HLCS: variants seen among roughly 807,000 people sequenced by gnomAD.
The protein encoded by HLCS is holocarboxylase synthetase.
A neutral mutation model predicts 75.0 loss-of-function variants in HLCS; 53 were observed. The observed-to-expected ratio is 0.71, with a 90% CI of 0.57 to 0.89. The LOEUF (loss-of-function observed/expected upper bound fraction) is 0.89. Among genes scored for constraint, HLCS ranks in the 40% least tolerant of loss-of-function variants. HLCS has a pLI of 0.00. For missense variants in HLCS, 966 were observed against 1,074.0 expected (o/e 0.90, Z 1.41); for synonymous variants, 431 against 428.6 (o/e 1.01, Z -0.07).
chr21:36,896,088 G>A (rs1052256259), intron 6 of HLCS, among the ~76,000 whole-genome samples: 4 of 152,208 alleles, frequency 2.6e-5, no homozygotes, highest in Admixed American at 2.0e-4. Context: ...GGTGGCTCAC[G>A]CCTAAAATCC....
chr21:36,925,816 A>G (rs1002684211), intron 5 of HLCS, among the ~76,000 whole-genome samples: 3 of 152,272 alleles, frequency 2.0e-5, no homozygotes, highest in Admixed American at 6.5e-5. Flanking sequence ...GAAACAAGGC[A>G]GCTAGCTTCT....
chr21:36,984,343 T>C (rs938995620), intron 1 of HLCS, among the ~76,000 whole-genome samples: 5 of 152,032 alleles, frequency 3.3e-5, no homozygotes, highest in South Asian at 2.1e-4. Flanking sequence ...TAACAACTAA[T>C]AATAAAATAG....
intron 6 of HLCS, among the ~76,000 whole-genome samples, chr21:36,860,402 C>A (rs934382970): frequency 2.6e-4 from 38 of 144,532 alleles, no homozygotes; most frequent in Admixed American, 1.6e-3. Context: ...GCTAATTCCC[C>A]AAACTAGCCA....
intron 6 of HLCS, among the ~76,000 whole-genome samples, chr21:36,869,671 C>T (rs1360758259): frequency 6.6e-6 from 1 of 152,208 alleles, no homozygotes; most frequent in Non-Finnish European, 1.5e-5. Context: ...CTTTACCAGA[C>T]TTGCTTAGTA....
intron 6 of HLCS, among the ~76,000 whole-genome samples, chr21:36,768,645 G>T (rs1014514388): frequency 6.6e-6 from 1 of 152,226 alleles, no homozygotes; most frequent in South Asian, 2.1e-4. Context: ...CACGGCTGCT[G>T]GAACAGGCAC....
intron 6 of HLCS, among the ~76,000 whole-genome samples, chr21:36,827,048 G>A (rs963862856): frequency 6.6e-5 from 10 of 152,154 alleles, no homozygotes; most frequent in Non-Finnish European, 1.5e-4. Context: ...CTGTGGCGGG[G>A]AGGGTCACAG....
At chr21:36,808,334 C>T (rs1361481708) in intron 6 of HLCS, among the ~76,000 whole-genome samples, 1 of 152,104 alleles carries the variant, frequency 6.6e-6, no homozygotes, top group Non-Finnish European at 1.5e-5. Context: ...AAACTATTTC[C>T]TTTTACTCAT....
At chr21:36,866,745 C>T (rs1195962846) in intron 6 of HLCS, among the ~76,000 whole-genome samples, 2 of 152,010 alleles carry the variant, frequency 1.3e-5, no homozygotes, top group Non-Finnish European at 2.9e-5. Context: ...CATCTTCAAC[C>T]ACAGATTTTA....
At chr21:36,944,970 A>G (rs1601832231) in intron 2 of HLCS, among the ~76,000 whole-genome samples, 1 of 152,238 alleles carries the variant, frequency 6.6e-6, no homozygotes, top group East Asian at 1.9e-4. Context: ...AATACAAAAA[A>G]TTAGCCAGGC....
chr21:36,804,854 C>T (rs2061317315), intron 6 of HLCS, among the ~76,000 whole-genome samples: 1 of 152,196 alleles, frequency 6.6e-6, no homozygotes, highest in African/African-American at 2.4e-5. Context: ...ACCTTGGCTA[C>T]CTATAATGAA....
chr21:36,840,671 G>A (rs1246961646), intron 6 of HLCS, among the ~76,000 whole-genome samples: 2 of 152,118 alleles, frequency 1.3e-5, no homozygotes, highest in Admixed American at 1.3e-4. Context: ...GGAGTGCAAT[G>A]GCGTGATCTT....
intron 9 of HLCS, 35 bp from the exon 10 acceptor site, chr21:36,756,790 G>A (rs764868396): frequency 1.1e-5 from 17 of 1,613,190 alleles, no homozygotes; most frequent in Admixed American, 1.7e-5. Flanking sequence ...AGCTCAGCCT[G>A]TTGATGGCAT....
At chr21:36,967,623 ATCCAGTGGCTTCCTAT>A (rs1489966835), upstream of HLCS, among the ~76,000 whole-genome samples, 1 of 152,244 alleles carries the variant, frequency 6.6e-6, no homozygotes, top group Non-Finnish European at 1.5e-5. Context: ...AAAGAATTCC[ATCCAGTGGCTTCCTAT>A]TCTGGCCCTC....
At chr21:36,819,989 C>CT (rs2061777961) in intron 6 of HLCS, among the ~76,000 whole-genome samples, 1 of 152,186 alleles carries the variant, frequency 6.6e-6, no homozygotes, top group Admixed American at 6.5e-5. Flanking sequence ...AGATAAAGTG[C>CT]ACTCACAGGG....
At chr21:36,985,878 T>C (rs188762301) in intron 1 of HLCS, among the ~76,000 whole-genome samples, 3 of 152,304 alleles carry the variant, frequency 2.0e-5, no homozygotes, top group Admixed American at 2.0e-4. Flanking sequence ...GCACAGGATG[T>C]CAGTTCAAAT....
At chr21:36,756,190 G>A (rs1356688737) in intron 10 of HLCS, among the ~76,000 whole-genome samples, 7 of 152,036 alleles carry the variant, frequency 4.6e-5, no homozygotes, top group African/African-American at 1.4e-4. Context: ...TGTAATCCCA[G>A]CACTTTGGGA....
At chr21:36,757,803 C>T (rs1355599725) in intron 9 of HLCS, among the ~76,000 whole-genome samples, 1 of 152,208 alleles carries the variant, frequency 6.6e-6, no homozygotes, top group Admixed American at 6.5e-5. Context: ...CAGTTGCTCA[C>T]GTATTCATTC....
chr21:36,775,360 A>T (rs1036895225), intron 6 of HLCS, among the ~76,000 whole-genome samples: 1 of 152,240 alleles, frequency 6.6e-6, no homozygotes, highest in African/African-American at 2.4e-5. Flanking sequence ...AATCAAAGTG[A>T]ATACAAGCCA....
chr21:36,903,744 G>C (rs1394950121), intron 5 of HLCS, among the ~76,000 whole-genome samples: 1 of 152,174 alleles, frequency 6.6e-6, no homozygotes, highest in African/African-American at 2.4e-5. Context: ...CTCAAACACA[G>C]TACCATGGTA....
Sources: allele counts gnomAD v4.1 joint callset (sites outside exome capture counted in the v4.1 genomes callset), GRCh38; gene constraint gnomAD v4.1.1; transcripts MANE v1.5; gene names NCBI Gene and HGNC (gene_info 2026-07-23, HGNC 2026-07-21).